Variants in FOCAD observed in about 807,000 individuals in gnomAD.
FOCAD encodes KIAA1797.
In FOCAD, 198 loss-of-function variants were observed where a neutral mutation model predicts 225.6. The observed-to-expected ratio is 0.88, with a 90% CI of 0.78 to 0.99. The LOEUF (loss-of-function observed/expected upper bound fraction) is 0.99. FOCAD is among the 50% of genes least tolerant of loss of function. The probability of loss-of-function intolerance (pLI) is 0.00; values close to 1 mark genes in which losing one functional copy is unlikely to be tolerated. For missense variants in FOCAD, 2,713 were observed against 2,123.6 expected (o/e 1.28, Z -5.46); for synonymous variants, 897 against 755.0 (o/e 1.19, Z -3.08).
At chr9:20,771,621 G>T (rs1818239002) in intron 8 of FOCAD, among the ~76,000 whole-genome samples, 2 of 152,156 alleles carry the variant, frequency 1.3e-5, no homozygotes, top group Admixed American at 6.5e-5. Flanking sequence ...TTAGCTGGGT[G>T]TGGTGTTGCA....
rs191727830 is a variant in FOCAD at position 20,925,263 on chromosome 9, A to G, written c.2962-1038A>G. ...AGGCAACATGCTGCATAGATCTACA[A>G]CCTAAAATGTCAATGCCCCTTTCTA... is the stretch of plus-strand genomic sequence containing the variant. On this transcript the variant is annotated intron_variant, in intron 25 of 43. Coordinates refer to ENST00000338382, the MANE Select transcript of FOCAD (RefSeq NM_001375567.1). Among the ~76,000 whole-genome samples, 40 of 152,264 alleles carry G rather than the reference A, an allele frequency of 2.6e-4. 1 individual carries two copies. The highest frequency in any genetic ancestry group is 5.5e-4 in the African/African-American group (23 of 41,550).
chr9:20,882,378 C>T lies in FOCAD; in HGVS notation c.2503+322C>T, dbSNP rs191964934. Among the ~76,000 whole-genome samples the T allele has an allele frequency of 1.2e-4, 19 of 152,150 alleles. No individual in the cohort carries two copies. In the East Asian group the frequency reaches 2.5e-3, roughly 20 times the overall value. On this transcript the variant is annotated intron_variant, in intron 20 of 43. Transcript: ENST00000338382. ...TTTTAGTGATTGCCTGGGACTAGGG[C>T]GACAAATTAGAGATTTTTCTCACAG...
intron 8 of FOCAD, among the ~76,000 whole-genome samples, chr9:20,773,318 A>G (rs539981127): frequency 1.5e-3 from 228 of 152,350 alleles, no homozygotes; most frequent in African/African-American, 5.2e-3. Context: ...AATGGTTCAA[A>G]CTAGTGTGCA....
At chr9:20,876,822 C>G (rs1246462219) in intron 19 of FOCAD, among the ~76,000 whole-genome samples, 2 of 152,174 alleles carry the variant, frequency 1.3e-5, no homozygotes, top group African/African-American at 4.8e-5. Flanking sequence ...ATGCTACAGA[C>G]AGAAAAGTGG....
chr9:20,825,880 T>C (rs903196960), intron 15 of FOCAD, among the ~76,000 whole-genome samples: 1 of 152,120 alleles, frequency 6.6e-6, no homozygotes, highest in Admixed American at 6.6e-5. Flanking sequence ...AATATGGGTT[T>C]CTTTAGTGCT....
At chr9:20,836,278 T>C (rs1219304064) in intron 15 of FOCAD, among the ~76,000 whole-genome samples, 2 of 152,132 alleles carry the variant, frequency 1.3e-5, no homozygotes, top group African/African-American at 4.8e-5. Flanking sequence ...ATCCATTGTC[T>C]GATGGCAGGT....
chr9:20,760,099 A>T lies in FOCAD; in HGVS notation c.494+1908A>T, dbSNP rs1405008230. On this transcript the variant is annotated intron_variant, in intron 6 of 43. Coordinates refer to ENST00000338382, the MANE Select transcript of FOCAD (RefSeq NM_001375567.1). The stretch of plus-strand genomic sequence containing the variant: ...GTTCCTAACTGGTGTCTCTGCCTCC[A>T]GTCTTGTCCTGGTCAAATCCAGTCT... Among the ~76,000 whole-genome samples, 5 of 152,116 alleles carry T rather than the reference A, an allele frequency of 3.3e-5. No individual in the cohort carries two copies. The East Asian group carries it at 9.7e-4, about 29-fold the overall frequency.
Position 20,982,960 on chromosome 9 carries a change from A to G in FOCAD, c.4728+514A>G, listed in dbSNP as rs139703261. ...ACTTGTATTTGAATGGCAGTTTTGC[A>G]TACCAACTAATACCAATGGTCTAGA... On this transcript the variant is annotated intron_variant, in intron 39 of 43. Transcript: ENST00000338382. Among the ~76,000 whole-genome samples, 6 of 152,384 alleles carry G rather than the reference A, an allele frequency of 3.9e-5. No individual in the cohort carries two copies. In the East Asian group the frequency reaches 1.2e-3, roughly 29 times the overall value.
At chr9:20,816,812 G>A (rs537121908) in intron 11 of FOCAD, among the ~76,000 whole-genome samples, 4 of 151,868 alleles carry the variant, frequency 2.6e-5, no homozygotes, top group Non-Finnish European at 4.4e-5. Flanking sequence ...TAAGAATTTA[G>A]CAATAAAGAT....
At chr9:20,685,988 CTT>C (rs946703029) in intron 1 of FOCAD, among the ~76,000 whole-genome samples, 1 of 152,090 alleles carries the variant, frequency 6.6e-6, no homozygotes, top group Non-Finnish European at 1.5e-5. Context: ...ATCGTTTGGC[CTT>C]TTTCCCCGTT....
rs111501995 is a variant in FOCAD, at chr9:20,975,353, A to G, written c.4133-1067A>G. Among the ~76,000 whole-genome samples the G allele has an allele frequency of 2.3e-3, 347 of 152,324 alleles. 1 individual carries two copies. The highest frequency in any genetic ancestry group is 0.017 in the Middle Eastern group (5 of 294). ...AGGAATATAATATTAAAGTAATGGT[A>G]CTATGTCATAGGCAGCTGGTTAACT... On this transcript the variant is annotated intron_variant, in intron 35 of 43. Transcript: ENST00000338382.
At chr9:20,978,548 G>A (rs2132605017) in intron 37 of FOCAD, 94 bp downstream of exon 37, 1 of 790,322 alleles carries the variant, frequency 1.3e-6, no homozygotes, top group South Asian at 2.5e-5. Context: ...AAAGTCAAGA[G>A]GAGACAGATG....
At chr9:20,712,238 C>G (rs1454142393) in intron 1 of FOCAD, among the ~76,000 whole-genome samples, 1 of 152,188 alleles carries the variant, frequency 6.6e-6, no homozygotes, top group Non-Finnish European at 1.5e-5. Context: ...CCTCACAAAA[C>G]TTGGTTCCCC....
chr9:20,690,352 A>C (rs1238746446), intron 1 of FOCAD, among the ~76,000 whole-genome samples: 2 of 152,214 alleles, frequency 1.3e-5, no homozygotes, highest in African/African-American at 4.8e-5. Context: ...ATGTTAAAAT[A>C]ATAGCTTTTG....
chr9:20,703,990 GTCTGT>G, intron 1 of FOCAD, among the ~76,000 whole-genome samples: 1 of 152,198 alleles, frequency 6.6e-6, no homozygotes, highest in Non-Finnish European at 1.5e-5. Context: ...GAGCTTTGCT[GTCTGT>G]GTCAGGTTGC....
intron 21 of FOCAD, among the ~76,000 whole-genome samples, chr9:20,893,703 C>G (rs892859393): frequency 5.3e-5 from 8 of 151,992 alleles, no homozygotes; most frequent in African/African-American, 1.9e-4. Context: ...TAAAAACAGA[C>G]TTTATTTTTT....
chr9:20,702,721 A>T (rs868369944), intron 1 of FOCAD, among the ~76,000 whole-genome samples: 1 of 152,176 alleles, frequency 6.6e-6, no homozygotes, highest in African/African-American at 2.4e-5. Flanking sequence ...ACCTCAGGCA[A>T]GTGACTTCTT....
chr9:20,671,721 AG>A (rs1563867212), intron 2 of FOCAD, among the ~76,000 whole-genome samples: 1 of 152,206 alleles, frequency 6.6e-6, no homozygotes, highest in Non-Finnish European at 1.5e-5. Context: ...AGGCAAAAAA[AG>A]GGCAAAAAGT....
At chr9:20,920,258 A>C (rs1226229713) in intron 24 of FOCAD, among the ~76,000 whole-genome samples, 2 of 146,126 alleles carry the variant, frequency 1.4e-5, no homozygotes, top group Non-Finnish European at 3.0e-5. Flanking sequence ...CAAAACCACA[A>C]TGAGATACCA....
Sources: gnomAD v4.1 joint callset for allele counts (sites outside exome capture counted in the v4.1 genomes callset) on GRCh38, gnomAD v4.1.1 for gene constraint, MANE v1.5 for transcripts, NCBI Gene and HGNC (gene_info 2026-07-23, HGNC 2026-07-21) for gene names.